Variants in TRPM3 observed in about 807,000 individuals in gnomAD.
The protein encoded by TRPM3 is long transient receptor potential channel 3.
In TRPM3, 77 loss-of-function variants were observed where a neutral mutation model predicts 181.2. The observed-to-expected ratio is 0.42, with a 90% CI of 0.35 to 0.51. The LOEUF (loss-of-function observed/expected upper bound fraction) is 0.51. Among genes scored for constraint, TRPM3 ranks in the 20% least tolerant of loss-of-function variants. The pLI is 0.01. For synonymous variants in TRPM3, 745 were observed against 796.4 expected, an observed-to-expected ratio of 0.94 and a Z score of 1.09; for missense variants, 1,759 against 2,196.7, an observed-to-expected ratio of 0.80 and a Z score of 3.98.
intron 1 of TRPM3, among the ~76,000 whole-genome samples, chr9:71,027,645 C>T (rs1193703202): frequency 6.6e-6 from 1 of 152,164 alleles, no homozygotes; most frequent in African/African-American, 2.4e-5. Flanking sequence ...CTGAAAGACA[C>T]TCTACAAGCA....
At chr9:70,624,175 A>C (rs2064103189) in intron 14 of TRPM3, among the ~76,000 whole-genome samples, 1 of 152,222 alleles carries the variant, frequency 6.6e-6, no homozygotes, top group Non-Finnish European at 1.5e-5. Context: ...AAATGTGTCA[A>C]TATTTGGAAG....
At chr9:70,648,510 C>G (rs1232833215) in intron 9 of TRPM3, among the ~76,000 whole-genome samples, 1 of 151,862 alleles carries the variant, frequency 6.6e-6, no homozygotes, top group Non-Finnish European at 1.5e-5. Context: ...AATATGCAAC[C>G]CAAAAAGAGC....
At chr9:71,334,851 AATTACTGC>A (rs2090445212) in intron 1 of TRPM3, among the ~76,000 whole-genome samples, 1 of 152,096 alleles carries the variant, frequency 6.6e-6, no homozygotes, top group Non-Finnish European at 1.5e-5. Context: ...TTAACTCCCT[AATTACTGC>A]ATTATTTTCT....
chr9:70,653,149 G>C (rs1199751463), intron 9 of TRPM3, among the ~76,000 whole-genome samples: 1 of 152,178 alleles, frequency 6.6e-6, no homozygotes, highest in African/African-American at 2.4e-5. Context: ...GTTTAGCCAA[G>C]AAGAGAGGTC....
chr9:70,613,238 T>G (rs989720288), intron 18 of TRPM3, among the ~76,000 whole-genome samples: 2 of 152,210 alleles, frequency 1.3e-5, no homozygotes, highest in African/African-American at 4.8e-5. Flanking sequence ...CCTTTGACAT[T>G]CCTTAAAGCA....
chr9:70,865,802 C>T (rs1415221), intron 1 of TRPM3, among the ~76,000 whole-genome samples: 68,740 of 151,850 alleles, frequency 0.45, 15,890 homozygotes, highest in Non-Finnish European at 0.49. Context: ...CACAAAGAAA[C>T]TGCATCCTGT....
intron 1 of TRPM3, among the ~76,000 whole-genome samples, chr9:71,029,650 A>C (rs2057034423): frequency 6.6e-6 from 1 of 152,226 alleles, no homozygotes; most frequent in Admixed American, 6.5e-5. Context: ...ATTTCAGTAC[A>C]TATGTTCTTG....
At chr9:70,748,610 C>T (rs947818038) in intron 8 of TRPM3, among the ~76,000 whole-genome samples, 1 of 152,048 alleles carries the variant, frequency 6.6e-6, no homozygotes, top group Non-Finnish European at 1.5e-5. Flanking sequence ...GATTAGTGCC[C>T]TTACGAAAAA....
chr9:71,426,803 C>T (rs1423836648), intron 1 of TRPM3, among the ~76,000 whole-genome samples: 1 of 151,860 alleles, frequency 6.6e-6, no homozygotes, highest in Non-Finnish European at 1.5e-5. Context: ...TTGTAAAGTA[C>T]TTACTAAGGC....
chr9:70,800,955 T>C lies in TRPM3; in HGVS notation c.974-16676A>G, dbSNP rs530191464. 7.2e-5 allele frequency among the ~76,000 whole-genome samples: 11 copies of C among 152,262 alleles called. No individual in the cohort carries two copies. The South Asian group carries it at 2.3e-3, about 32-fold the overall frequency. On this transcript the variant is annotated intron_variant, in intron 6 of 25. Transcript: ENST00000677713. ...GGATAAATTGCAAAATTCACACAAC[T>C]AGTAAGTGTCAGAAATGGGTTTCAA...
intron 1 of TRPM3, among the ~76,000 whole-genome samples, chr9:71,328,618 T>A (rs2089894133): frequency 1.3e-5 from 2 of 152,204 alleles, no homozygotes; most frequent in East Asian, 3.8e-4. Flanking sequence ...CCCAGATCTG[T>A]CCCTAGCCAC....
chr9:71,375,524 A>T (rs1196334197), intron 1 of TRPM3, among the ~76,000 whole-genome samples: 1 of 152,216 alleles, frequency 6.6e-6, no homozygotes. Context: ...ATTGACAAAT[A>T]GAATCTAATT....
chr9:70,569,843 A>G (rs1413734746), intron 22 of TRPM3, among the ~76,000 whole-genome samples: 2 of 152,148 alleles, frequency 1.3e-5, no homozygotes, highest in Non-Finnish European at 2.9e-5. Flanking sequence ...TAATTGATAT[A>G]TGTATATTTA....
rs71367235 is a variant in TRPM3, at chr9:70,888,362, G to GGTGTGTGTGT, written c.178-23861_178-23852dup. Among the ~76,000 whole-genome samples the GGTGTGTGTGT allele has an allele frequency of 2.4e-3, 339 of 143,724 alleles. 1 individual carries two copies. The highest frequency in any genetic ancestry group is 3.6e-3 in the Middle Eastern group (1 of 276). The allele number at this position is 143,724 out of a possible 152,430, so 94.3% of individuals were successfully genotyped here. On this transcript the variant is annotated intron_variant, in intron 1 of 25. Transcript: ENST00000677713. ...TTTTTTGCTCTTGCTTTTATTTTGG[G>GGTGTGTGTGT]GTGTGTGTGTGTGTGTGTGTGTGTG... is the stretch of plus-strand genomic sequence containing the variant.
chr9:70,791,921 C>A (rs1359254520), intron 6 of TRPM3, among the ~76,000 whole-genome samples: 2 of 152,098 alleles, frequency 1.3e-5, no homozygotes, highest in Non-Finnish European at 2.9e-5. Flanking sequence ...CATCGACTGG[C>A]CTTCTTTTGG....
At chr9:71,316,876 T>C (rs1378278867) in intron 1 of TRPM3, among the ~76,000 whole-genome samples, 1 of 152,062 alleles carries the variant, frequency 6.6e-6, no homozygotes. Flanking sequence ...AGAAAAAAAA[T>C]CCTGTGGGCC....
chr9:70,997,505 A>C (rs1325106997), intron 1 of TRPM3, among the ~76,000 whole-genome samples: 31 of 152,032 alleles, frequency 2.0e-4, no homozygotes, highest in Admixed American at 1.7e-3. Context: ...CTATCTTAAT[A>C]CTTTTTTTTG....
chr9:70,851,431 A>G (rs567239619), intron 3 of TRPM3, among the ~76,000 whole-genome samples: 7 of 152,354 alleles, frequency 4.6e-5, no homozygotes, highest in African/African-American at 1.7e-4. Flanking sequence ...ACTAATTGGT[A>G]ATAAATAAAT....
chr9:71,096,293 T>A (rs1243189316), intron 1 of TRPM3, among the ~76,000 whole-genome samples: 3 of 139,356 alleles, frequency 2.2e-5, no homozygotes, highest in Non-Finnish European at 3.1e-5. Context: ...TAGTTGCCTT[T>A]AAAAAAAAAA....
Sources: gnomAD v4.1 joint callset for allele counts (sites outside exome capture counted in the v4.1 genomes callset) on GRCh38, gnomAD v4.1.1 for gene constraint, MANE v1.5 for transcripts, NCBI Gene and HGNC (gene_info 2026-07-23, HGNC 2026-07-21) for gene names.